The following KCNH7 variants were observed in gnomAD, a reference collection of about 807,000 sequenced individuals.
KCNH7 encodes potassium voltage-gated channel subfamily H member 7.
A neutral mutation model predicts 120.8 loss-of-function variants in KCNH7; 49 were observed. The observed-to-expected ratio is 0.41, with a 90% CI of 0.32 to 0.51. The LOEUF (loss-of-function observed/expected upper bound fraction) is 0.51. KCNH7 is among the 20% of genes least tolerant of loss of function. The pLI is 0.38. For synonymous variants in KCNH7, 547 were observed against 516.1 expected (o/e 1.06, Z -0.81); for missense variants, 1,097 against 1,446.6 (o/e 0.76, Z 3.92).
chr2:162,667,018 C>CTTTTTTTTTTTTT (rs34213467), intron 2 of KCNH7, among the ~76,000 whole-genome samples: 9 of 124,208 alleles, frequency 7.2e-5, no homozygotes, highest in South Asian at 5.2e-4. Flanking sequence ...TTTTCTTTTT[C>CTTTTTTTTTTTTT]TTTTTTTTTT....
At chr2:162,602,964 G>A (rs1031410702) in intron 2 of KCNH7, among the ~76,000 whole-genome samples, 2 of 149,224 alleles carry the variant, frequency 1.3e-5, no homozygotes, top group East Asian at 2.0e-4. Context: ...TTTTTTTTTG[G>A]TAATGTTTCT....
At chr2:162,651,684 G>A (rs1278695983) in intron 2 of KCNH7, among the ~76,000 whole-genome samples, 1 of 152,046 alleles carries the variant, frequency 6.6e-6, no homozygotes, top group East Asian at 1.9e-4. Context: ...GGGTGTTTAC[G>A]GTAGAATGAT....
chr2:162,711,900 G>T lies in KCNH7; in HGVS notation c.307+124637C>A, dbSNP rs148051120. 6.0e-4 allele frequency among the ~76,000 whole-genome samples: 91 copies of T among 152,184 alleles called. 1 individual carries two copies. Among genetic ancestry groups the T allele is most frequent in the African/African-American group, 2.2e-3 (90 of 41,548 alleles). ...ACAAAACAAACAAAAAAAATGCTAAGGGCAATAGATATGAAAGGATAAAGA... is the reference window on the plus strand; with the variant it reads ...ACAAAACAAACAAAAAAAATGCTAATGGCAATAGATATGAAAGGATAAAGA... On this transcript the variant is annotated intron_variant, in intron 2 of 15. Transcript: ENST00000332142.
At chr2:162,738,304 T>A (rs1359153902) in intron 2 of KCNH7, among the ~76,000 whole-genome samples, 1 of 152,150 alleles carries the variant, frequency 6.6e-6, no homozygotes, top group Non-Finnish European at 1.5e-5. Flanking sequence ...CCTCTGTGTA[T>A]AACTGCCATT....
At chr2:162,667,108 CT>C in intron 2 of KCNH7, among the ~76,000 whole-genome samples, 1 of 151,252 alleles carries the variant, frequency 6.6e-6, no homozygotes, top group Non-Finnish European at 1.5e-5. Flanking sequence ...CAGCCTCGAC[CT>C]CCCGGGCTCA....
At chr2:162,630,249 A>C (rs1683717871) in intron 2 of KCNH7, among the ~76,000 whole-genome samples, 1 of 152,116 alleles carries the variant, frequency 6.6e-6, no homozygotes, top group Non-Finnish European at 1.5e-5. Flanking sequence ...ATAGATAAAC[A>C]ATAGCCATAG....
Position 162,770,010 on chromosome 2 carries a change from A to G in KCNH7, c.307+66527T>C, listed in dbSNP as rs1434054804. Among the ~76,000 whole-genome samples the G allele has an allele frequency of 4.6e-5, 7 of 152,088 alleles. No homozygotes were observed. In the East Asian group the frequency reaches 9.6e-4, roughly 21 times the overall value. The stretch of plus-strand genomic sequence containing the variant: ...GATTTAAAATTTAAATTAATTCACC[A>G]TTTGTCCAACTAGGAGCTTTTAAAC... On this transcript the variant is annotated intron_variant, in intron 2 of 15. Coordinates refer to ENST00000332142, the MANE Select transcript of KCNH7 (RefSeq NM_033272.4).
intron 2 of KCNH7, among the ~76,000 whole-genome samples, chr2:162,693,983 A>T (rs1174551673): frequency 6.6e-6 from 1 of 152,184 alleles, no homozygotes; most frequent in Admixed American, 6.5e-5. Flanking sequence ...AAATTAATGA[A>T]AAAAGCCTGT....
intron 2 of KCNH7, among the ~76,000 whole-genome samples, chr2:162,800,206 T>C (rs888176781): frequency 2.2e-4 from 33 of 151,750 alleles, no homozygotes; most frequent in African/African-American, 8.0e-4. Context: ...GATGTAGCAT[T>C]GTAGAAAATG....
intron 6 of KCNH7, among the ~76,000 whole-genome samples, chr2:162,500,196 C>G (rs1034291648): frequency 6.8e-6 from 1 of 147,376 alleles, no homozygotes; most frequent in African/African-American, 2.5e-5. Flanking sequence ...ATATTATATA[C>G]ATTACATGTT....
At chr2:162,413,374 G>C (rs560643268) in intron 9 of KCNH7, among the ~76,000 whole-genome samples, 1 of 152,148 alleles carries the variant, frequency 6.6e-6, no homozygotes, top group East Asian at 1.9e-4. Context: ...TGATCCACCC[G>C]CTTTGGCCTC....
chr2:162,667,693 C>T (rs932919152), intron 2 of KCNH7, among the ~76,000 whole-genome samples: 6 of 152,150 alleles, frequency 3.9e-5, no homozygotes, highest in African/African-American at 2.4e-5. Flanking sequence ...TCTACTGGTT[C>T]CAATTCCTAG....
At chr2:162,693,955 A>G (rs1686201443) in intron 2 of KCNH7, among the ~76,000 whole-genome samples, 1 of 152,198 alleles carries the variant, frequency 6.6e-6, no homozygotes, top group Admixed American at 6.5e-5. Flanking sequence ...TTAAATTTAA[A>G]TGGTACAGTG....
At chr2:162,777,915 T>C (rs1683309956) in intron 2 of KCNH7, among the ~76,000 whole-genome samples, 1 of 152,172 alleles carries the variant, frequency 6.6e-6, no homozygotes, top group South Asian at 2.1e-4. Flanking sequence ...AAGCAGATTT[T>C]ATATAATTTA....
chr2:162,397,108 G>T (rs879425041), intron 10 of KCNH7, among the ~76,000 whole-genome samples, 163 bp from the exon 11 acceptor site: 2 of 151,804 alleles, frequency 1.3e-5, no homozygotes, highest in Non-Finnish European at 2.9e-5. Context: ...TGTTTGGTGA[G>T]TGGAAATTTG....
chr2:162,510,403 A>C lies in KCNH7; in HGVS notation c.913+2251T>G, dbSNP rs141838533. On this transcript the variant is annotated intron_variant, in intron 5 of 15. Transcript: ENST00000332142. ...AGACAGATGAAGGGGAAAAGAATAC[A>C]TATCAGAAAGAAGGATTTAGGTTAG... 1.3e-4 allele frequency among the ~76,000 whole-genome samples: 20 copies of C among 151,740 alleles called. 1 individual carries two copies. In the East Asian group the frequency reaches 3.5e-3, roughly 27 times the overall value.
chr2:162,622,448 C>T (rs889161341), intron 2 of KCNH7, among the ~76,000 whole-genome samples: 2 of 152,142 alleles, frequency 1.3e-5, no homozygotes, highest in Non-Finnish European at 2.9e-5. Context: ...CTAAATAGGT[C>T]CTTCAAGGCT....
intron 2 of KCNH7, among the ~76,000 whole-genome samples, chr2:162,728,161 C>T (rs1687595105): frequency 1.3e-5 from 2 of 151,130 alleles, no homozygotes; most frequent in South Asian, 4.2e-4. Context: ...AACATTTGGA[C>T]TTAATCAGCT....
intron 2 of KCNH7, among the ~76,000 whole-genome samples, chr2:162,695,186 TATC>T (rs1162627118): frequency 6.6e-6 from 1 of 152,162 alleles, no homozygotes; most frequent in Admixed American, 6.6e-5. Context: ...AGGAGTAAAG[TATC>T]ATGATTTTCC....
Sources: gnomAD v4.1 joint callset for allele counts (sites outside exome capture counted in the v4.1 genomes callset) on GRCh38, gnomAD v4.1.1 for gene constraint, MANE v1.5 for transcripts, NCBI Gene and HGNC (gene_info 2026-07-23, HGNC 2026-07-21) for gene names.